MED13: variants seen among roughly 807,000 people sequenced by gnomAD.
MED13 encodes mediator of RNA polymerase II transcription subunit 13.
In MED13, 23 loss-of-function variants were observed where a neutral mutation model predicts 225.2. The observed-to-expected ratio is 0.10, with a 90% CI of 0.07 to 0.14. The LOEUF (loss-of-function observed/expected upper bound fraction) is 0.14, where lower values mean the gene tolerates loss of function less well. Ranked by LOEUF, MED13 falls within the 10% of genes least tolerant of loss-of-function variation. The pLI is 1.00. For missense variants in MED13, 2,197 were observed against 2,594.5 expected, an observed-to-expected ratio of 0.85 and a Z score of 3.33; for synonymous variants, 942 against 889.2, an observed-to-expected ratio of 1.06 and a Z score of -1.06.
chr17:62,045,716 G>A (rs1003565051), intron 3 of MED13, among the ~76,000 whole-genome samples: 5 of 152,052 alleles, frequency 3.3e-5, no homozygotes, highest in African/African-American at 1.2e-4. Context: ...CAGCAATGTA[G>A]GAAAACACCT....
Position 62,033,983 on chromosome 17 carries a change from A to G in MED13, c.618T>C (p.Val206=). The G allele has an allele frequency of 6.2e-7, 1 of 1,613,418 alleles. No individual in the cohort carries two copies. Among genetic ancestry groups the G allele is most frequent in the Non-Finnish European group, 8.5e-7 (1 of 1,179,644 alleles). The change falls in exon 5 of 30, where the codon GTT becomes GTC. Residue 206 remains valine (V), a splice_region_variant and synonymous_variant. Coordinates refer to ENST00000397786, the MANE Select transcript of MED13 (RefSeq NM_005121.3). ...CATTTAGTCCAAATGGGCATAAGAT[A>G]ACTAGAAACCCAAAGCAGACATCAA... is the stretch of plus-strand genomic sequence containing the variant. ...LAQQSNSPFQ[V]ILCPFGLNGT... is the part of the protein sequence containing the mutation.
intron 3 of MED13, among the ~76,000 whole-genome samples, chr17:62,046,600 G>A (rs770912159): frequency 3.9e-5 from 6 of 152,152 alleles, no homozygotes; most frequent in Non-Finnish European, 8.8e-5. Context: ...AGCACTTTGC[G>A]AGGCCAAAGA....
At chr17:62,049,245 G>GA (rs2080932409) in intron 3 of MED13, among the ~76,000 whole-genome samples, 1 of 151,804 alleles carries the variant, frequency 6.6e-6, no homozygotes, top group Non-Finnish European at 1.5e-5. Context: ...AACAAGAGGA[G>GA]AAAAAAAGGG....
At chr17:61,997,634 G>A (rs2080357512) in intron 9 of MED13, among the ~76,000 whole-genome samples, 1 of 152,040 alleles carries the variant, frequency 6.6e-6, no homozygotes, top group African/African-American at 2.4e-5. Flanking sequence ...GTAAAATCAA[G>A]GGCTTTGCTG....
At chr17:61,963,565 C>CA (rs1346251900) in intron 20 of MED13, among the ~76,000 whole-genome samples, 1 of 152,152 alleles carries the variant, frequency 6.6e-6, no homozygotes, top group Non-Finnish European at 1.5e-5. Context: ...CTTAGCCTCT[C>CA]AAAGTGCTAG....
chr17:61,982,852 A>C lies in MED13; in HGVS notation c.3151T>G (p.Cys1051Gly), dbSNP rs756985298. The change falls in exon 16 of 30, where the codon TGC becomes GGC. Residue 1051 changes from cysteine (C) to glycine (G), a missense_variant. Cys to Gly is a radical substitution (Grantham distance 159). Transcript: ENST00000397786. The stretch of plus-strand genomic sequence containing the variant: ...GGTTCAACAGAATTAAGGGGTCTGC[A>C]TGTAGATGGGGTAGAAGCTGGTGAA... The part of the protein sequence containing the change: ...LYSPASTPST[C>G]RPLNSVEPAT... 1.2e-6 allele frequency: 2 copies of C among 1,614,200 alleles called. No individual in the cohort carries two copies. The highest frequency in any genetic ancestry group is 1.7e-5 in the Admixed American group (1 of 60,014).
intron 28 of MED13, among the ~76,000 whole-genome samples, chr17:61,948,467 T>G (rs949408756): frequency 2.6e-5 from 4 of 152,160 alleles, no homozygotes; most frequent in African/African-American, 9.7e-5. Flanking sequence ...CCTTTCCTTG[T>G]GTATTAATAA....
At chr17:62,025,175 C>T (rs1246145318) in intron 8 of MED13, among the ~76,000 whole-genome samples, 4 of 152,234 alleles carry the variant, frequency 2.6e-5, no homozygotes, top group Admixed American at 6.5e-5. Context: ...AATATTTTAT[C>T]CCCTGGGGGC....
chr17:61,971,221 T>C (rs6504078), intron 17 of MED13, among the ~76,000 whole-genome samples: 1 of 150,776 alleles, frequency 6.6e-6, no homozygotes, highest in Non-Finnish European at 1.5e-5. Flanking sequence ...TATGTGCAGA[T>C]AGAAATGATC....
chr17:62,029,233 T>G, intron 8 of MED13: 1 of 250,836 alleles, frequency 4.0e-6, no homozygotes, highest in Non-Finnish European at 7.5e-6. Flanking sequence ...TCTCAAGAGA[T>G]TTATATGGCT....
intron 9 of MED13, among the ~76,000 whole-genome samples, chr17:61,998,397 A>G (rs543987565): frequency 6.6e-6 from 1 of 152,324 alleles, no homozygotes; most frequent in Admixed American, 6.5e-5. Context: ...TTACTATGAC[A>G]ATAACATACT....
At chr17:62,031,350 G>A (rs1315832508) in intron 6 of MED13, 94 bp downstream of exon 6, 1 of 1,114,496 alleles carries the variant, frequency 9.0e-7, no homozygotes, top group African/African-American at 1.6e-5. Flanking sequence ...TTCTCAAGAA[G>A]TTTGAAACTA....
At chr17:62,018,106 G>T (rs972890475) in intron 8 of MED13, among the ~76,000 whole-genome samples, 1 of 152,172 alleles carries the variant, frequency 6.6e-6, no homozygotes, top group Admixed American at 6.5e-5. Flanking sequence ...TGCTAATACA[G>T]TTGGTACCAC....
At chr17:61,994,504 G>GT (rs2080330847) in intron 10 of MED13, among the ~76,000 whole-genome samples, 2 of 151,942 alleles carry the variant, frequency 1.3e-5, no homozygotes. Flanking sequence ...ATATTTTATT[G>GT]TATCTTTGAA....
intron 2 of MED13, among the ~76,000 whole-genome samples, chr17:62,053,939 T>C (rs1004982032): frequency 3.3e-5 from 5 of 152,224 alleles, no homozygotes; most frequent in Non-Finnish European, 5.9e-5. Context: ...CAAAGATTAA[T>C]GTTGGTTTTA....
chr17:62,012,518 C>T (rs1359039964), intron 8 of MED13, among the ~76,000 whole-genome samples: 2 of 151,292 alleles, frequency 1.3e-5, no homozygotes, highest in South Asian at 4.2e-4. Flanking sequence ...TTAGTAGAGA[C>T]GGGGTTTTTC....
chr17:61,980,115 G>A (rs546001083), intron 16 of MED13, among the ~76,000 whole-genome samples: 12 of 152,152 alleles, frequency 7.9e-5, no homozygotes, highest in Non-Finnish European at 1.3e-4. Flanking sequence ...CTTGAACCCG[G>A]GAGGTGGAGG....
chr17:62,010,806 G>A lies in MED13; in HGVS notation c.1711C>T (p.Pro571Ser), dbSNP rs766799673. ...YQMPTPDPLVPSKPMEDRIDS... is the reference protein window; with the variant it reads ...YQMPTPDPLVSSKPMEDRIDS... Reference sequence around the variant, plus strand: ...ATCCTATCTTCCATTGGTTTAGAAGGAACCAAGGGATCTGGTGTTGGCATT... The same window carrying A: ...ATCCTATCTTCCATTGGTTTAGAAGAAACCAAGGGATCTGGTGTTGGCATT... Residue 571 changes from proline to serine, a missense_variant, in exon 9 of 30, where the codon CCT (proline) becomes TCT (serine). Around this residue, in one of 12 missense-constraint regions of MED13, gnomAD observed 884 missense variants for 918.5 expected, o/e 0.96. Transcript: ENST00000397786. 1.2e-6 allele frequency: 2 copies of A among 1,614,176 alleles called. No homozygotes were observed. The highest frequency in any genetic ancestry group is 1.7e-6 in the Non-Finnish European group (2 of 1,180,024).
intron 3 of MED13, among the ~76,000 whole-genome samples, chr17:62,047,190 G>A (rs910416760): frequency 6.6e-6 from 1 of 152,064 alleles, no homozygotes; most frequent in African/African-American, 2.4e-5. Context: ...GGCTAACATG[G>A]TGAAACCCCG....
Sources: gnomAD v4.1 joint callset for allele counts (sites outside exome capture counted in the v4.1 genomes callset) on GRCh38, gnomAD v4.1.1 for gene constraint, gnomAD v4.1.1 regional missense constraint, MANE v1.5 for transcripts, NCBI Gene and HGNC (gene_info 2026-07-23, HGNC 2026-07-21) for gene names.